The following SCN3A variants were observed in gnomAD, a reference collection of about 807,000 sequenced individuals.
SCN3A encodes sodium voltage-gated channel alpha subunit 3.
In SCN3A, 60 loss-of-function variants were observed where a neutral mutation model predicts 187.6. The ratio of observed to expected loss-of-function variants is 0.32; its 90% CI spans 0.26 to 0.40. SCN3A has a LOEUF of 0.40. Ranked by LOEUF, SCN3A falls within the 10% of genes least tolerant of loss-of-function variation. The pLI is 1.00. For missense variants in SCN3A, 1,601 were observed against 2,428.2 expected (o/e 0.66, Z 7.16); for synonymous variants, 788 against 829.2 (o/e 0.95, Z 0.85).
At chr2:165,176,838 G>C (rs1040000360) in intron 2 of SCN3A, among the ~76,000 whole-genome samples, 32 of 152,260 alleles carry the variant, frequency 2.1e-4, no homozygotes, top group African/African-American at 4.3e-4. Context: ...TGCCAGTAAA[G>C]TTTGTCAATA....
intron 15 of SCN3A, among the ~76,000 whole-genome samples, chr2:165,133,206 A>T (rs1001263143): frequency 5.9e-5 from 9 of 152,156 alleles, no homozygotes; most frequent in African/African-American, 1.9e-4. Context: ...AGTTCAACCA[A>T]TGTGGAAGTC....
chr2:165,156,641 A>T (rs1459454639), intron 9 of SCN3A, among the ~76,000 whole-genome samples: 1 of 151,342 alleles, frequency 6.6e-6, no homozygotes, highest in African/African-American at 2.4e-5. Context: ...GTTAATATTT[A>T]TAACAATTTT....
intron 18 of SCN3A, among the ~76,000 whole-genome samples, chr2:165,116,383 C>T (rs1197009184): frequency 6.6e-6 from 1 of 152,126 alleles, no homozygotes; most frequent in Non-Finnish European, 1.5e-5. Context: ...AGAAGAGCCA[C>T]TGTAATATTA....
At chr2:165,099,424 A>C (rs939219051) in intron 22 of SCN3A, among the ~76,000 whole-genome samples, 5 of 152,184 alleles carry the variant, frequency 3.3e-5, no homozygotes, top group Admixed American at 1.3e-4. Flanking sequence ...AAAGATCTAT[A>C]AAACAAACTC....
intron 22 of SCN3A, 192 bp from the exon 23 acceptor site, chr2:165,097,716 GT>G: frequency 2.8e-6 from 2 of 705,200 alleles, no homozygotes; most frequent in Non-Finnish European, 4.6e-6. Flanking sequence ...AAGAGCTAAG[GT>G]TTTAAGGAAA....
intron 5 of SCN3A, among the ~76,000 whole-genome samples, chr2:165,165,482 G>A (rs1424581089): frequency 6.6e-6 from 1 of 152,086 alleles, no homozygotes; most frequent in Non-Finnish European, 1.5e-5. Flanking sequence ...CCTCCAAAAT[G>A]GTGGAAGACT....
intron 1 of SCN3A, among the ~76,000 whole-genome samples, chr2:165,191,927 G>GT (rs568673095): frequency 5.9e-4 from 85 of 144,616 alleles, no homozygotes; most frequent in East Asian, 1.8e-3. Context: ...AAATTTAGTA[G>GT]TTTTTTTTTT....
rs1685545108 is a variant in SCN3A, at chr2:165,100,330, C to T, written c.3938G>A (p.Arg1313Lys). The T allele has an allele frequency of 6.2e-7, 1 of 1,613,848 alleles. No individual in the cohort carries two copies. The highest frequency in any genetic ancestry group is 8.5e-7 in the Non-Finnish European group (1 of 1,179,860). ...CATGCCTTCAAACCGGGATAAGGCT[C>T]TTAGAGGTCTTAAAGCTCTTAATGT... ...LRTLRALRPLRALSRFEGMRV... is the reference protein window; with the variant it reads ...LRTLRALRPLKALSRFEGMRV... Residue 1313 changes from arginine (R) to lysine (K), a missense_variant, in exon 22 of 28, where the codon AGA (arginine) becomes AAA (lysine). Transcript: ENST00000283254.
intron 1 of SCN3A, among the ~76,000 whole-genome samples, chr2:165,199,341 T>C (rs1692177478): frequency 6.6e-6 from 1 of 152,004 alleles, no homozygotes; most frequent in African/African-American, 2.4e-5. Context: ...CCTAATTCAA[T>C]TCTTACAGAA....
intron 22 of SCN3A, 184 bp from the exon 23 acceptor site, chr2:165,097,708 G>A (rs111856588): frequency 4.2e-5 from 31 of 744,998 alleles, no homozygotes; most frequent in African/African-American, 4.1e-4. Context: ...CACAACTAAA[G>A]AGCTAAGGTT....
At chr2:165,149,642 C>T (rs1465989236) in intron 11 of SCN3A, among the ~76,000 whole-genome samples, 1 of 152,122 alleles carries the variant, frequency 6.6e-6, no homozygotes, top group Non-Finnish European at 1.5e-5. Flanking sequence ...AGTGATTTGC[C>T]AGTTCCCTCA....
At chr2:165,192,654 C>G (rs1437946800) in intron 1 of SCN3A, among the ~76,000 whole-genome samples, 1 of 152,186 alleles carries the variant, frequency 6.6e-6, no homozygotes, top group Non-Finnish European at 1.5e-5. Flanking sequence ...ACCTCAGCCT[C>G]TGACATCTGG....
chr2:165,185,394 C>T (rs1691168813), intron 2 of SCN3A, among the ~76,000 whole-genome samples: 2 of 152,156 alleles, frequency 1.3e-5, no homozygotes, highest in Admixed American at 1.3e-4. Context: ...GGTATATGAT[C>T]TAATTCTGGC....
intron 11 of SCN3A, among the ~76,000 whole-genome samples, chr2:165,149,969 A>G (rs1441920523): frequency 1.3e-5 from 2 of 152,204 alleles, no homozygotes; most frequent in African/African-American, 4.8e-5. Context: ...GCTACAAGAC[A>G]TTATACCTAT....
In SCN3A at chr2:165,159,638, A is replaced by G. The variant is rs562539553; in HGVS notation, c.1031+2670T>C. The stretch of plus-strand genomic sequence containing the variant: ...TCAGCTTCCCAAAGTGCTGGATTAC[A>G]GGAATGAGCTACTTCACCTAGCCCC... On this transcript the variant is annotated intron_variant, in intron 9 of 27. Coordinates refer to ENST00000283254, the MANE Select transcript of SCN3A (RefSeq NM_006922.4). Among the ~76,000 whole-genome samples the G allele has an allele frequency of 3.0e-5, 4 of 132,670 alleles. 1 individual carries two copies. In the East Asian group the frequency reaches 1.2e-3, roughly 39 times the overall value. The allele number at this position is 132,670 out of a possible 152,430, so 87.0% of individuals were successfully genotyped here.
intron 20 of SCN3A, among the ~76,000 whole-genome samples, chr2:165,113,260 A>G (rs1305687465): frequency 1.3e-5 from 2 of 152,138 alleles, no homozygotes; most frequent in Non-Finnish European, 2.9e-5. Context: ...AGTGATTTAG[A>G]ATGTGCTTTC....
chr2:165,120,028 C>G (rs2105733860), intron 18 of SCN3A, among the ~76,000 whole-genome samples: 1 of 152,258 alleles, frequency 6.6e-6, no homozygotes, highest in East Asian at 1.9e-4. Flanking sequence ...TTTTCCATCC[C>G]TTGTAGAAAC....
At chr2:165,108,713 T>C (rs1053638506) in intron 21 of SCN3A, among the ~76,000 whole-genome samples, 17 of 152,174 alleles carry the variant, frequency 1.1e-4, no homozygotes, top group African/African-American at 4.1e-4. Context: ...ATTTACTTCA[T>C]TGTGTGGTCA....
At chr2:165,192,721 A>G (rs1302157777) in intron 1 of SCN3A, among the ~76,000 whole-genome samples, 1 of 152,118 alleles carries the variant, frequency 6.6e-6, no homozygotes, top group East Asian at 1.9e-4. Flanking sequence ...GTCACCTCTT[A>G]AAATCCTACT....
Sources: allele counts gnomAD v4.1 joint callset (sites outside exome capture counted in the v4.1 genomes callset), GRCh38; gene constraint gnomAD v4.1.1; transcripts MANE v1.5; gene names NCBI Gene and HGNC (gene_info 2026-07-23, HGNC 2026-07-21).